ZNF438: variants seen among roughly 807,000 people sequenced by gnomAD.
The protein encoded by ZNF438 is zinc finger protein 438.
In ZNF438, 25 loss-of-function variants were observed where a neutral mutation model predicts 38.0. That is an observed-to-expected ratio of 0.66 (90% CI 0.48 to 0.92). The LOEUF is 0.92. ZNF438 is among the 40% of genes least tolerant of loss of function. The pLI, the probability that ZNF438 is intolerant of heterozygous loss-of-function variation, is 0.00. For synonymous variants in ZNF438, 372 were observed against 364.1 expected (o/e 1.02, Z -0.25); for missense variants, 1,007 against 999.6 (o/e 1.01, Z -0.10).
At chr10:30,869,743 A>G (rs1390679904) in intron 4 of ZNF438, among the ~76,000 whole-genome samples, 4 of 152,258 alleles carry the variant, frequency 2.6e-5, no homozygotes, top group African/African-American at 9.6e-5. Context: ...GCAGCATAAA[A>G]TGGTACCAAA....
At chr10:30,995,018 G>C (rs1329066322) in intron 1 of ZNF438, among the ~76,000 whole-genome samples, 2 of 148,206 alleles carry the variant, frequency 1.3e-5, no homozygotes, top group Non-Finnish European at 3.0e-5. Flanking sequence ...CTGGGTGAGA[G>C]AGTGAGACCC....
chr10:30,872,516 C>T (rs1399117450), intron 4 of ZNF438, among the ~76,000 whole-genome samples: 1 of 145,162 alleles, frequency 6.9e-6, no homozygotes, highest in Non-Finnish European at 1.5e-5. Flanking sequence ...TTTGGGAGGC[C>T]GAGGCGGACA....
intron 3 of ZNF438, among the ~76,000 whole-genome samples, chr10:30,880,430 TA>T (rs60365494): frequency 0.013 from 1,444 of 111,894 alleles, 19 homozygotes; most frequent in African/African-American, 0.045. Flanking sequence ...AAATTCTATC[TA>T]AAAAAAAAAA....
chr10:30,849,518 G>A (rs1286892895), exon 5 of ZNF438: 6 of 1,614,208 alleles, frequency 3.7e-6, no homozygotes, highest in Middle Eastern at 1.6e-4. Context: ...TCTTGAGTAG[G>A]GTGGGATTGG....
At chr10:30,888,053 C>T (rs965399936) in intron 3 of ZNF438, among the ~76,000 whole-genome samples, 4 of 151,930 alleles carry the variant, frequency 2.6e-5, no homozygotes, top group African/African-American at 9.7e-5. Flanking sequence ...TGAGTTGCTG[C>T]CAGTTTTTGG....
intron 4 of ZNF438, among the ~76,000 whole-genome samples, chr10:30,866,904 A>C (rs996414480): frequency 6.6e-6 from 1 of 152,188 alleles, no homozygotes; most frequent in African/African-American, 2.4e-5. Flanking sequence ...CGCACAATGA[A>C]GTATATGGAA....
intron 1 of ZNF438, among the ~76,000 whole-genome samples, chr10:31,010,969 C>G (rs1413521447): frequency 7.4e-6 from 1 of 135,964 alleles, no homozygotes; most frequent in Admixed American, 7.6e-5. Context: ...ATAATTAGAA[C>G]TATGTTAACT....
intron 2 of ZNF438, among the ~76,000 whole-genome samples, chr10:30,929,727 G>T (rs2045407457): frequency 6.6e-6 from 1 of 152,190 alleles, no homozygotes; most frequent in Non-Finnish European, 1.5e-5. Flanking sequence ...GCTGATTGGT[G>T]TGTTTACAAT....
intron 2 of ZNF438, among the ~76,000 whole-genome samples, chr10:30,927,551 T>C (rs548139753): frequency 3.3e-5 from 5 of 152,378 alleles, no homozygotes; most frequent in African/African-American, 1.2e-4. Context: ...TCCATGATTT[T>C]TGTCACTGTC....
intron 1 of ZNF438, among the ~76,000 whole-genome samples, chr10:31,024,658 T>C (rs1025778667): frequency 2.0e-5 from 3 of 151,952 alleles, no homozygotes; most frequent in African/African-American, 4.8e-5. Context: ...AGGTATAAAG[T>C]TCTAGATTTG....
chr10:31,026,768 G>T (rs1222310056), intron 1 of ZNF438, among the ~76,000 whole-genome samples: 1 of 152,022 alleles, frequency 6.6e-6, no homozygotes, highest in Non-Finnish European at 1.5e-5. Context: ...TATAAATCAT[G>T]CTGCCATAAA....
At chr10:30,947,858 G>C (rs563018216) in intron 1 of ZNF438, among the ~76,000 whole-genome samples, 12 of 150,492 alleles carry the variant, frequency 8.0e-5, no homozygotes, top group Admixed American at 8.0e-4. Flanking sequence ...CTTCCCAAGT[G>C]AGGCAATGCC....
At position 30,849,933 on chromosome 10, in the gene ZNF438, G is replaced by A. The variant is rs1378937072; in HGVS notation, c.472C>T (p.Gln158Ter). The A allele has an allele frequency of 7.4e-6, 12 of 1,614,194 alleles. No individual in the cohort carries two copies. The highest frequency in any genetic ancestry group is 1.3e-5 in the African/African-American group (1 of 75,042). The change falls in exon 5 of 6, where the codon CAG becomes TAG. Residue 158 changes from glutamine to a stop codon, truncating the protein, a stop_gained. Transcript: ENST00000413025. LOFTEE classifies it high-confidence loss of function. Reference sequence around the variant, plus strand: ...TGGTGAGGTGGGGAAGGGGACATCTGAGGACACATTTGGGTTTGGGCAGGA... The same window carrying A: ...TGGTGAGGTGGGGAAGGGGACATCTAAGGACACATTTGGGTTTGGGCAGGA...
In ZNF438 at chr10:30,845,089, G is replaced by A. The variant is rs780819194; in HGVS notation, c.2359C>T (p.Arg787Trp). 2.9e-5 allele frequency: 47 copies of A among 1,614,134 alleles called. No individual in the cohort carries two copies. Among genetic ancestry groups the A allele is most frequent in the Middle Eastern group, 3.3e-4 (2 of 6,058 alleles). ...CAGTGGTGGAGGAGGTCCTCTTTCC[G>A]TCCCAGCATCTCTGCACAAAGCAGG... is the stretch of plus-strand genomic sequence containing the variant. The change falls in exon 6 of 6, where the codon CGG becomes TGG. Residue 787 changes from arginine to tryptophan, a missense_variant. Transcript: ENST00000413025.
chr10:30,865,055 C>T (rs576254865), intron 4 of ZNF438, among the ~76,000 whole-genome samples: 53 of 152,344 alleles, frequency 3.5e-4, no homozygotes, highest in Admixed American at 6.5e-4. Context: ...CATTCCAACA[C>T]GCTGAACTTA....
At chr10:31,009,280 G>C (rs1211599292) in intron 1 of ZNF438, among the ~76,000 whole-genome samples, 1 of 152,094 alleles carries the variant, frequency 6.6e-6, no homozygotes, top group Admixed American at 6.5e-5. Context: ...AGACAGAATT[G>C]GCATGTGATT....
At chr10:30,859,901 G>T (rs1233777430) in intron 4 of ZNF438, among the ~76,000 whole-genome samples, 1 of 152,168 alleles carries the variant, frequency 6.6e-6, no homozygotes, top group African/African-American at 2.4e-5. Flanking sequence ...GAAGGAAAGA[G>T]AAAAGAAATG....
At chr10:31,004,725 G>A (rs986945289) in intron 1 of ZNF438, among the ~76,000 whole-genome samples, 4 of 152,092 alleles carry the variant, frequency 2.6e-5, no homozygotes, top group Non-Finnish European at 4.4e-5. Flanking sequence ...AGAATTTGCC[G>A]GAAAATAATT....
At chr10:30,883,264 T>A (rs752070537) in intron 3 of ZNF438, among the ~76,000 whole-genome samples, 7 of 152,300 alleles carry the variant, frequency 4.6e-5, no homozygotes, top group Non-Finnish European at 8.8e-5. Context: ...ATTTACTTCC[T>A]GTATTATAGT....
Sources: gnomAD v4.1 joint callset for allele counts (sites outside exome capture counted in the v4.1 genomes callset) on GRCh38, gnomAD v4.1.1 for gene constraint, MANE v1.5 for transcripts, NCBI Gene and HGNC (gene_info 2026-07-23, HGNC 2026-07-21) for gene names.